Variants in PDE1C observed in about 807,000 individuals in gnomAD.
The protein encoded by PDE1C is phosphodiesterase 1C, also known as dual specificity calcium/calmodulin-dependent 3',5'-cyclic nucleotide phosphodiesterase 1C.
In PDE1C, 62 loss-of-function variants were observed where a neutral mutation model predicts 93.1. The ratio of observed to expected loss-of-function variants is 0.67; its 90% CI spans 0.54 to 0.82. The LOEUF (loss-of-function observed/expected upper bound fraction) is 0.82, where lower values mean the gene tolerates loss of function less well. PDE1C is among the 40% of genes least tolerant of loss of function. The pLI is 0.00. For missense variants in PDE1C, 742 were observed against 884.6 expected, an observed-to-expected ratio of 0.84 and a Z score of 2.04; for synonymous variants, 325 against 310.1, an observed-to-expected ratio of 1.05 and a Z score of -0.50.
intron 1 of PDE1C, among the ~76,000 whole-genome samples, chr7:32,251,259 G>A (rs1433855853): frequency 6.7e-6 from 1 of 148,274 alleles, no homozygotes; most frequent in Non-Finnish European, 1.5e-5. Context: ...CCTGAATCCG[G>A]CAGCCCAGGA....
intron 3 of PDE1C, among the ~76,000 whole-genome samples, chr7:32,108,690 T>C (rs879688058): frequency 1.3e-5 from 2 of 152,154 alleles, no homozygotes; most frequent in African/African-American, 4.8e-5. Context: ...TTCTAATAAG[T>C]GTGTAAGGTG....
chr7:32,147,273 AAAGAAAG>A, intron 3 of PDE1C, among the ~76,000 whole-genome samples: 1 of 17,864 alleles, frequency 5.6e-5, no homozygotes, highest in East Asian at 1.7e-3. Context: ...AGAAAGAAAA[AAAGAAAG>A]AAAGAAAGAA....
At chr7:31,848,157 C>A in intron 8 of PDE1C, 61 bp from the exon 9 acceptor site, 1 of 1,571,654 alleles carries the variant, frequency 6.4e-7, no homozygotes, top group Non-Finnish European at 8.7e-7. Context: ...TTGGGTAATT[C>A]TAACAGGCTA....
chr7:32,096,379 T>G (rs1027333545), intron 3 of PDE1C, among the ~76,000 whole-genome samples: 2 of 152,132 alleles, frequency 1.3e-5, no homozygotes, highest in African/African-American at 4.8e-5. Context: ...AAACAGAAAA[T>G]CTTAAAGTAT....
At chr7:32,097,170 G>A (rs1001876262) in intron 3 of PDE1C, among the ~76,000 whole-genome samples, 2 of 152,120 alleles carry the variant, frequency 1.3e-5, no homozygotes, top group African/African-American at 4.8e-5. Flanking sequence ...CATGAGGGAG[G>A]GCAATCTGTA....
chr7:31,704,188 G>A, the PDE1C span, among the ~76,000 whole-genome samples: 1 of 152,224 alleles, frequency 6.6e-6, no homozygotes, highest in African/African-American at 2.4e-5. Context: ...ACACTAGAAA[G>A]GGATCAGGAT....
At chr7:31,906,173 A>G (rs1452848889) in intron 2 of PDE1C, among the ~76,000 whole-genome samples, 1 of 152,200 alleles carries the variant, frequency 6.6e-6, no homozygotes, top group African/African-American at 2.4e-5. Flanking sequence ...ATCTAACGAT[A>G]ACCTTCTTCT....
At chr7:31,877,441 C>T (rs1344230035) in intron 5 of PDE1C, among the ~76,000 whole-genome samples, 1 of 152,032 alleles carries the variant, frequency 6.6e-6, no homozygotes, top group East Asian at 1.9e-4. Context: ...GACAAAGGCT[C>T]TCAGGCCATA....
chr7:31,954,928 G>T (rs1807917569), intron 2 of PDE1C, among the ~76,000 whole-genome samples: 1 of 152,174 alleles, frequency 6.6e-6, no homozygotes, highest in African/African-American at 2.4e-5. Context: ...CAAGTTACTT[G>T]CTTTCGTCAA....
At chr7:31,628,517 G>A in the PDE1C span, among the ~76,000 whole-genome samples, 1 of 150,938 alleles carries the variant, frequency 6.6e-6, no homozygotes, top group South Asian at 2.1e-4. Context: ...GAGTACAGTG[G>A]CGCGACCTCA....
At chr7:31,777,396 T>A (rs1253318535) in intron 16 of PDE1C, among the ~76,000 whole-genome samples, 1 of 152,152 alleles carries the variant, frequency 6.6e-6, no homozygotes, top group Non-Finnish European at 1.5e-5. Context: ...TGATGCGATC[T>A]CGACTCACTG....
intron 2 of PDE1C, among the ~76,000 whole-genome samples, chr7:31,974,637 G>A (rs56087442): frequency 0.039 from 5,873 of 152,200 alleles, 393 homozygotes; most frequent in African/African-American, 0.14. Context: ...AAGGCAGGGA[G>A]GGAGGGAGGG....
chr7:32,118,196 T>C (rs749882652), intron 3 of PDE1C, among the ~76,000 whole-genome samples: 1 of 152,078 alleles, frequency 6.6e-6, no homozygotes, highest in Non-Finnish European at 1.5e-5. Context: ...CCTGTGAGCA[T>C]CACCACAGAC....
the PDE1C span, among the ~76,000 whole-genome samples, chr7:31,719,210 T>G: frequency 2.0e-5 from 3 of 152,272 alleles, no homozygotes; most frequent in Non-Finnish European, 4.4e-5. Flanking sequence ...TGGATTTCTC[T>G]CCTCCCTGAA....
At chr7:31,677,224 A>G in the PDE1C span, among the ~76,000 whole-genome samples, 2 of 152,322 alleles carry the variant, frequency 1.3e-5, no homozygotes, top group Non-Finnish European at 2.9e-5. Context: ...AATTTTACCA[A>G]ACTTTTAAAG....
chr7:32,136,748 A>G (rs1800232727), intron 3 of PDE1C, among the ~76,000 whole-genome samples: 1 of 151,946 alleles, frequency 6.6e-6, no homozygotes, highest in South Asian at 2.1e-4. Flanking sequence ...AGATAGCTTT[A>G]GCTCAATTCT....
chr7:31,919,716 G>A (rs887518219), intron 2 of PDE1C, among the ~76,000 whole-genome samples: 1 of 152,194 alleles, frequency 6.6e-6, no homozygotes, highest in East Asian at 1.9e-4. Context: ...GTGTCTTAAT[G>A]GGAATTTTTC....
intron 1 of PDE1C, among the ~76,000 whole-genome samples, chr7:32,404,175 G>A (rs1241458828): frequency 6.6e-6 from 1 of 152,152 alleles, no homozygotes; most frequent in African/African-American, 2.4e-5. Flanking sequence ...TGGCTGCAAT[G>A]GGAATTGCCA....
rs1226201647 is a variant in PDE1C at position 31,980,544 on chromosome 7, TCTCA to T, written c.128+71006_128+71009del. On this transcript the variant is annotated intron_variant, in intron 2 of 17. Transcript: ENST00000396191. ...CTCTAGGAAATGATCACAAGCAGGT[TCTCA>T]CTCTCCTGATCAAAGACATAGTTCC... is the stretch of plus-strand genomic sequence containing the variant. 8.5e-5 allele frequency among the ~76,000 whole-genome samples: 13 copies of T among 152,310 alleles called. No individual in the cohort carries two copies. In the East Asian group the frequency reaches 2.5e-3, roughly 29 times the overall value.
Sources: gnomAD v4.1 joint callset for allele counts (sites outside exome capture counted in the v4.1 genomes callset) on GRCh38, gnomAD v4.1.1 for gene constraint, MANE v1.5 for transcripts, NCBI Gene and HGNC (gene_info 2026-07-23, HGNC 2026-07-21) for gene names.